NRXN1: variants seen among roughly 807,000 people sequenced by gnomAD.
NRXN1 encodes neurexin-1.
In NRXN1, 39 loss-of-function variants were observed where a neutral mutation model predicts 150.9. That is an observed-to-expected ratio of 0.26 (90% CI 0.20 to 0.34). The LOEUF (loss-of-function observed/expected upper bound fraction) is 0.34. Ranked by LOEUF, NRXN1 falls within the 10% of genes least tolerant of loss-of-function variation. NRXN1 has a pLI of 1.00. For missense variants in NRXN1, 1,815 were observed against 1,949.9 expected (o/e 0.93, Z 1.30); for synonymous variants, 924 against 757.0 (o/e 1.22, Z -3.62).
At chr2:50,284,249 T>C (rs1230624339) in intron 17 of NRXN1, among the ~76,000 whole-genome samples, 1 of 152,182 alleles carries the variant, frequency 6.6e-6, no homozygotes, top group East Asian at 1.9e-4. Flanking sequence ...TTTCTCTTCA[T>C]GTCTTAATCC....
chr2:50,849,070 T>A (rs1674122326), intron 5 of NRXN1, among the ~76,000 whole-genome samples: 1 of 152,192 alleles, frequency 6.6e-6, no homozygotes, highest in East Asian at 1.9e-4. Context: ...AAAGACCAAC[T>A]CAAATCTCTC....
chr2:50,185,919 A>G (rs2061040716), intron 18 of NRXN1, among the ~76,000 whole-genome samples: 1 of 152,092 alleles, frequency 6.6e-6, no homozygotes, highest in African/African-American at 2.4e-5. Context: ...TTCCTCTTCA[A>G]AAGAGCTTTG....
intron 21 of NRXN1, among the ~76,000 whole-genome samples, chr2:49,965,064 G>C (rs1187925359): frequency 6.6e-6 from 1 of 151,870 alleles, no homozygotes; most frequent in Non-Finnish European, 1.5e-5. Flanking sequence ...ATTTTTGGTA[G>C]AGACAGGGTT....
At chr2:49,988,885 T>C (rs1448853718) in intron 21 of NRXN1, among the ~76,000 whole-genome samples, 1 of 152,204 alleles carries the variant, frequency 6.6e-6, no homozygotes, top group Non-Finnish European at 1.5e-5. Flanking sequence ...TTATAACAAG[T>C]TATTTTAAAA....
chr2:50,659,913 A>G (rs963704279), intron 5 of NRXN1, among the ~76,000 whole-genome samples: 2 of 152,012 alleles, frequency 1.3e-5, no homozygotes, highest in African/African-American at 2.4e-5. Context: ...TGAAGAAACA[A>G]TGGGATCTGG....
intron 17 of NRXN1, among the ~76,000 whole-genome samples, chr2:50,415,458 C>T (rs1366998628): frequency 6.6e-6 from 1 of 152,116 alleles, no homozygotes; most frequent in Non-Finnish European, 1.5e-5. Context: ...ATGTGATGAT[C>T]AGAAGCTGTG....
chr2:50,569,343 C>T (rs927586429), intron 8 of NRXN1, among the ~76,000 whole-genome samples: 7 of 152,036 alleles, frequency 4.6e-5, no homozygotes, highest in Non-Finnish European at 8.8e-5. Context: ...GTGATGTATA[C>T]CCCAGTTACC....
rs2066013222 is a variant in NRXN1 at position 50,241,701 on chromosome 2, G to A, written c.3365-4731C>T. ...ATATACATGGGCTCCCGTATCTCTT[G>A]TTTAAACTGCCTGTGATGTTATAAT... On this transcript the variant is annotated intron_variant, in intron 17 of 22. Transcript: ENST00000401669. Among the ~76,000 whole-genome samples the A allele has an allele frequency of 2.0e-5, 3 of 151,786 alleles. No homozygotes were observed. In the Admixed American group the frequency reaches 2.0e-4, roughly 10 times the overall value.
intron 2 of NRXN1, among the ~76,000 whole-genome samples, chr2:51,027,105 A>C (rs1353124478): frequency 1.3e-5 from 2 of 152,188 alleles, no homozygotes; most frequent in African/African-American, 4.8e-5. Flanking sequence ...TTTGCATCTT[A>C]AGGGCAAAGT....
intron 17 of NRXN1, among the ~76,000 whole-genome samples, chr2:50,378,462 G>C (rs1299616152): frequency 6.6e-6 from 1 of 152,074 alleles, no homozygotes; most frequent in Non-Finnish European, 1.5e-5. Flanking sequence ...TCATCTAGCA[G>C]CACAGTACTC....
At chr2:50,411,805 C>A (rs1199968171) in intron 17 of NRXN1, among the ~76,000 whole-genome samples, 1 of 152,216 alleles carries the variant, frequency 6.6e-6, no homozygotes. Flanking sequence ...GCCACCCCGT[C>A]CCGGAGGTGT....
intron 18 of NRXN1, among the ~76,000 whole-genome samples, chr2:50,121,098 G>C (rs1840074): frequency 0.26 from 39,475 of 152,150 alleles, 5,529 homozygotes; most frequent in Admixed American, 0.39. Context: ...GATGTCAGCT[G>C]ACTGCAACCT....
chr2:50,743,439 A>C (rs1437703138), intron 5 of NRXN1, among the ~76,000 whole-genome samples: 1 of 152,186 alleles, frequency 6.6e-6, no homozygotes, highest in Non-Finnish European at 1.5e-5. Context: ...TTGTGCCTCA[A>C]GAGTTTATGT....
chr2:50,868,141 T>A (rs1231355152), intron 5 of NRXN1, among the ~76,000 whole-genome samples: 1 of 87,692 alleles, frequency 1.1e-5, no homozygotes, highest in Non-Finnish European at 2.3e-5. Context: ...AAACAAAATA[T>A]TATATATATA....
rs764073226 is a variant in NRXN1, at chr2:50,019,641, C to CAAAAAAAAAAAA, written c.4128+33618_4128+33629dup. Among the ~76,000 whole-genome samples the CAAAAAAAAAAAA allele has an allele frequency of 2.7e-4, 7 of 25,554 alleles. 1 individual carries two copies. Among genetic ancestry groups the CAAAAAAAAAAAA allele is most frequent in the East Asian group, 1.3e-3 (1 of 772 alleles). 16.8% of individuals were successfully genotyped at this position (25,554 alleles called of 152,430 possible). A position where few individuals can be genotyped will look rare whatever the true frequency, so the allele number is the denominator to read the frequency against. On this transcript the variant is annotated intron_variant, in intron 21 of 22. Coordinates refer to ENST00000401669, the MANE Select transcript of NRXN1 (RefSeq NM_001330078.2). ...TGTAAGAAGGAGCAAGATTCCGTCT[C>CAAAAAAAAAAAA]AAAAAAAAAAAAAAAAAAAAGGAGG...
intron 18 of NRXN1, among the ~76,000 whole-genome samples, chr2:50,215,530 G>C (rs560719212): frequency 6.6e-6 from 1 of 152,012 alleles, no homozygotes; most frequent in East Asian, 1.9e-4. Flanking sequence ...ATTGAAATCA[G>C]AAAACCTAAA....
At chr2:50,232,665 G>A (rs139776763) in intron 18 of NRXN1, among the ~76,000 whole-genome samples, 24 of 151,986 alleles carry the variant, frequency 1.6e-4, no homozygotes, top group Non-Finnish European at 2.5e-4. Flanking sequence ...GATTACAGGC[G>A]TGAGCCACTG....
intron 18 of NRXN1, among the ~76,000 whole-genome samples, chr2:50,156,980 G>T (rs940586429): frequency 3.0e-4 from 45 of 151,888 alleles, no homozygotes; most frequent in Non-Finnish European, 5.4e-4. Flanking sequence ...ATGTCCCTGG[G>T]GCTGTACTAA....
chr2:50,657,556 G>A (rs972414514), intron 5 of NRXN1, among the ~76,000 whole-genome samples: 19 of 151,932 alleles, frequency 1.3e-4, no homozygotes, highest in African/African-American at 2.9e-4. Context: ...AAGCAGTTCC[G>A]TAAAGAGCGT....
Sources: allele counts gnomAD v4.1 joint callset (sites outside exome capture counted in the v4.1 genomes callset), GRCh38; gene constraint gnomAD v4.1.1; transcripts MANE v1.5; gene names NCBI Gene and HGNC (gene_info 2026-07-23, HGNC 2026-07-21).